Variants in CNTN4 observed in about 807,000 individuals in gnomAD.
The protein encoded by CNTN4 is contactin 4.
In CNTN4, 77 loss-of-function variants were observed where a neutral mutation model predicts 122.5. The ratio of observed to expected loss-of-function variants is 0.63; its 90% CI spans 0.52 to 0.76. CNTN4 has a LOEUF of 0.76. CNTN4 is among the 30% of genes least tolerant of loss of function. The pLI is 0.00. For synonymous variants in CNTN4, 512 were observed against 447.0 expected, an observed-to-expected ratio of 1.15 and a Z score of -1.83; for missense variants, 1,256 against 1,259.1, an observed-to-expected ratio of 1.00 and a Z score of 0.04.
chr3:2,940,423 C>G (rs6768087), intron 13 of CNTN4, among the ~76,000 whole-genome samples: 123,532 of 152,150 alleles, frequency 0.81, 50,965 homozygotes, highest in African/African-American at 0.95. Flanking sequence ...GTACAGGCTG[C>G]ATGGTAAGCA....
chr3:2,511,506 A>C (rs963225316), intron 3 of CNTN4: 4 of 152,250 alleles, frequency 2.6e-5, no homozygotes. Context: ...CGCGCAGCGG[A>C]GAGCAGTTCA....
At chr3:2,269,163 G>C (rs528765426) in intron 2 of CNTN4, among the ~76,000 whole-genome samples, 2 of 152,240 alleles carry the variant, frequency 1.3e-5, no homozygotes, top group South Asian at 2.1e-4. Flanking sequence ...CCCTTCAAAG[G>C]AGAGCAGAAA....
chr3:2,355,010 G>A (rs2044808242), intron 3 of CNTN4, among the ~76,000 whole-genome samples: 1 of 152,188 alleles, frequency 6.6e-6, no homozygotes, highest in Non-Finnish European at 1.5e-5. Context: ...CAGTGGATAA[G>A]CCCTGTTGTG....
At chr3:2,867,024 G>A in intron 8 of CNTN4, 75 bp downstream of exon 8, 1 of 1,283,254 alleles carries the variant, frequency 7.8e-7, no homozygotes, top group South Asian at 1.2e-5. Context: ...TATGTTGTTG[G>A]CACATGAAGC....
At chr3:2,384,147 T>G (rs11714875) in intron 3 of CNTN4, among the ~76,000 whole-genome samples, 69,266 of 151,670 alleles carry the variant, frequency 0.46, 16,282 homozygotes, top group Middle Eastern at 0.65. Context: ...TTACAGCATG[T>G]AGCCGTGTGC....
intron 4 of CNTN4, among the ~76,000 whole-genome samples, chr3:2,705,748 TATATA>T (rs1170688974): frequency 2.9e-5 from 3 of 102,348 alleles, no homozygotes; most frequent in African/African-American, 4.1e-5. Context: ...ATATATATGA[TATATA>T]ATATATAATA....
At chr3:2,134,570 C>G (rs2034598788) in intron 2 of CNTN4, among the ~76,000 whole-genome samples, 1 of 152,124 alleles carries the variant, frequency 6.6e-6, no homozygotes, top group South Asian at 2.1e-4. Flanking sequence ...TGTCTCCAGC[C>G]AAGCTGTAAT....
intron 14 of CNTN4, among the ~76,000 whole-genome samples, chr3:3,017,469 A>G (rs908760119): frequency 1.3e-5 from 2 of 152,214 alleles, no homozygotes; most frequent in African/African-American, 2.4e-5. Flanking sequence ...TTTCATCAGG[A>G]TATTTCGGCA....
At chr3:2,710,634 G>A (rs533504617) in intron 4 of CNTN4, among the ~76,000 whole-genome samples, 2 of 152,118 alleles carry the variant, frequency 1.3e-5, no homozygotes, top group Non-Finnish European at 2.9e-5. Flanking sequence ...ACTAATTTTA[G>A]ATATGATTTT....
intron 4 of CNTN4, chr3:2,735,853 C>T: frequency 4.7e-6 from 2 of 425,176 alleles, no homozygotes; most frequent in Non-Finnish European, 9.2e-6. Flanking sequence ...CACTAGACAG[C>T]CATCCACAAT....
intron 9 of CNTN4, among the ~76,000 whole-genome samples, chr3:2,884,735 T>A (rs2093950608): frequency 6.6e-6 from 1 of 152,138 alleles, no homozygotes; most frequent in African/African-American, 2.4e-5. Flanking sequence ...CCTTGAAAAA[T>A]CATCTGTGAA....
intron 2 of CNTN4, among the ~76,000 whole-genome samples, chr3:2,150,298 A>G (rs1162749932): frequency 6.6e-6 from 1 of 152,064 alleles, no homozygotes; most frequent in Non-Finnish European, 1.5e-5. Flanking sequence ...TTTAATAAGT[A>G]AAAAAAAGTC....
rs184140925 is a variant in CNTN4, at chr3:2,247,159, C to A, written c.-144-92019C>A. Among the ~76,000 whole-genome samples the A allele has an allele frequency of 2.3e-3, 357 of 152,072 alleles. 2 individuals are homozygous for A. Among genetic ancestry groups the A allele is most frequent in the South Asian group, 7.3e-3 (35 of 4,822 alleles). On this transcript the variant is annotated intron_variant, in intron 2 of 24. Transcript: ENST00000418658. Reference sequence around the variant, plus strand: ...CTTTCTAGGTGGATGTCATACCCAGCGAATTCTGTTGATAAGCTATTGCCG... The same window carrying A: ...CTTTCTAGGTGGATGTCATACCCAGAGAATTCTGTTGATAAGCTATTGCCG...
At chr3:2,151,183 C>G (rs570794016) in intron 2 of CNTN4, among the ~76,000 whole-genome samples, 84 of 152,234 alleles carry the variant, frequency 5.5e-4, no homozygotes, top group Non-Finnish European at 7.6e-4. Context: ...CCTCAGCCTC[C>G]CAAAGTGCCG....
At chr3:2,749,683 G>T (rs1041196625) in intron 6 of CNTN4, among the ~76,000 whole-genome samples, 2 of 152,080 alleles carry the variant, frequency 1.3e-5, no homozygotes, top group African/African-American at 4.8e-5. Context: ...TAATTTGAGG[G>T]TGATGTATTT....
chr3:2,278,577 A>G (rs1384657942), intron 2 of CNTN4, among the ~76,000 whole-genome samples: 1 of 152,256 alleles, frequency 6.6e-6, no homozygotes, highest in Non-Finnish European at 1.5e-5. Context: ...AGTATACAGT[A>G]TGCACAAGTG....
In CNTN4 at chr3:2,210,666, C is replaced by A. The variant is rs943283254; in HGVS notation, c.-145+110027C>A. On this transcript the variant is annotated intron_variant, in intron 2 of 24. Transcript: ENST00000418658. ...CTTTCCTGGGATTTACAGTCCAATG[C>A]AGCAAGAGTGAGAGTCTCAACTTTG... Among the ~76,000 whole-genome samples, 14 of 152,300 alleles carry A rather than the reference C, an allele frequency of 9.2e-5. 1 individual carries two copies. The highest frequency in any genetic ancestry group is 3.4e-4 in the African/African-American group (14 of 41,574).
At chr3:2,233,945 A>C (rs2039583794) in intron 2 of CNTN4, among the ~76,000 whole-genome samples, 1 of 152,164 alleles carries the variant, frequency 6.6e-6, no homozygotes, top group Non-Finnish European at 1.5e-5. Context: ...TCACCTGGAA[A>C]ATCTACTTTA....
chr3:2,607,815 T>G (rs1448457160), intron 4 of CNTN4, among the ~76,000 whole-genome samples: 1 of 152,200 alleles, frequency 6.6e-6, no homozygotes, highest in East Asian at 1.9e-4. Context: ...CTATTATGTC[T>G]GGCTTTTGAT....
Sources: gnomAD v4.1 joint callset for allele counts (sites outside exome capture counted in the v4.1 genomes callset) on GRCh38, gnomAD v4.1.1 for gene constraint, MANE v1.5 for transcripts, NCBI Gene and HGNC (gene_info 2026-07-23, HGNC 2026-07-21) for gene names.